Variants in ABCA9 observed in about 807,000 individuals in gnomAD.
ABCA9 encodes the protein ATP-binding cassette sub-family A member 9.
In ABCA9, 183 loss-of-function variants were observed where a neutral mutation model predicts 205.3. The ratio of observed to expected loss-of-function variants is 0.89; its 90% CI spans 0.79 to 1.01. ABCA9 has a LOEUF of 1.01. Among genes scored for constraint, ABCA9 ranks in the 50% least tolerant of loss-of-function variants. The pLI is 0.00. For synonymous variants in ABCA9, 651 were observed against 683.3 expected (o/e 0.95, Z 0.74); for missense variants, 1,805 against 1,912.4 (o/e 0.94, Z 1.05).
At chr17:69,022,972 A>C (rs150127530) in intron 17 of ABCA9, among the ~76,000 whole-genome samples, 59 of 152,352 alleles carry the variant, frequency 3.9e-4, no homozygotes, top group African/African-American at 1.4e-3. Context: ...GAATGCATTT[A>C]ATAAGCAATC....
chr17:68,983,663 G>A, intron 36 of ABCA9, 46 bp downstream of exon 36: 2 of 1,601,380 alleles, frequency 1.2e-6, no homozygotes, highest in Non-Finnish European at 1.7e-6. Context: ...CAGAAATATG[G>A]AAACAAAAAC....
chr17:69,045,382 C>T (rs1157854504), intron 3 of ABCA9, 46 bp from the exon 4 acceptor site: 14 of 1,563,182 alleles, frequency 9.0e-6, no homozygotes, highest in Non-Finnish European at 1.0e-5. Flanking sequence ...AAGAAAATCT[C>T]TACCTGGCCA....
the ABCA9 span, among the ~76,000 whole-genome samples, chr17:69,069,631 T>C: frequency 6.6e-6 from 1 of 151,674 alleles, no homozygotes; most frequent in East Asian, 1.9e-4. Context: ...GTTAGGGAAA[T>C]AGAGAGTAAA....
chr17:69,069,801 AC>A, the ABCA9 span, among the ~76,000 whole-genome samples: 1 of 152,280 alleles, frequency 6.6e-6, no homozygotes, highest in East Asian at 1.9e-4. Context: ...AGCTTGAAAA[AC>A]AACCATATTA....
the ABCA9 span, among the ~76,000 whole-genome samples, chr17:69,070,206 A>G: frequency 6.6e-6 from 1 of 152,308 alleles, no homozygotes; most frequent in South Asian, 2.1e-4. Flanking sequence ...TTAATTACAT[A>G]AAATGCTTAT....
chr17:69,042,676 C>T (rs1243262291), intron 6 of ABCA9: 4 of 152,146 alleles, frequency 2.6e-5, no homozygotes, highest in African/African-American at 2.4e-5. Context: ...CATCTGGCGC[C>T]CTGAGTATTG....
At chr17:68,999,932 G>C (rs1158106303) in intron 25 of ABCA9, among the ~76,000 whole-genome samples, 2 of 152,166 alleles carry the variant, frequency 1.3e-5, no homozygotes, top group African/African-American at 4.8e-5. Flanking sequence ...CTTCTTTTGA[G>C]AAGTGTCTGT....
intron 25 of ABCA9, among the ~76,000 whole-genome samples, chr17:68,999,123 T>TATC (rs200505426): frequency 0.053 from 8,032 of 150,576 alleles, 705 homozygotes; most frequent in African/African-American, 0.18. Context: ...TTTATCTTTT[T>TATC]ATTATTATTA....
In ABCA9 at chr17:69,010,445, G is replaced by T. The variant is rs2070329682; in HGVS notation, c.3147+1531C>A. On this transcript the variant is annotated intron_variant, in intron 23 of 38. Coordinates refer to ENST00000340001, the MANE Select transcript of ABCA9 (RefSeq NM_080283.4). ...ATATTTGAGAACCAGAAGGAAAAGT[G>T]GGGTAGCTAGAGGAGGAGAGTACAA... 2.0e-5 allele frequency among the ~76,000 whole-genome samples: 3 copies of T among 152,180 alleles called. 1 individual carries two copies. Among genetic ancestry groups the T allele is most frequent in the Admixed American group, 2.0e-4 (3 of 15,260 alleles).
chr17:69,061,618 C>T (rs929610748), upstream of ABCA9, among the ~76,000 whole-genome samples: 73 of 152,186 alleles, frequency 4.8e-4, 1 homozygote, highest in Non-Finnish European at 8.8e-5. Flanking sequence ...AGCCTCCAGG[C>T]TTGTCATCTC....
At chr17:69,013,750 G>A (rs1348982644) in intron 22 of ABCA9, among the ~76,000 whole-genome samples, 2 of 152,128 alleles carry the variant, frequency 1.3e-5, no homozygotes, top group Non-Finnish European at 2.9e-5. Flanking sequence ...GGCTGGATGG[G>A]AGTGCTGTAG....
At chr17:69,050,944 T>C (rs2071882679) in intron 2 of ABCA9, 87 bp downstream of exon 2, 4 of 1,255,994 alleles carry the variant, frequency 3.2e-6, no homozygotes, top group Non-Finnish European at 3.3e-6. Flanking sequence ...TGTGCAATGT[T>C]AAATAATGAA....
rs568365902 is a variant in ABCA9 at position 69,000,763 on chromosome 17, G to A, written c.3436-4749C>T. On this transcript the variant is annotated intron_variant, in intron 25 of 38. Coordinates refer to ENST00000340001, the MANE Select transcript of ABCA9 (RefSeq NM_080283.4). Reference sequence around the variant, plus strand: ...ATTGATTCTTCCTACCCATGAGCATGGAATGTTCTTCCATTTGTATCCTCT... The same window carrying A: ...ATTGATTCTTCCTACCCATGAGCATAGAATGTTCTTCCATTTGTATCCTCT... Among the ~76,000 whole-genome samples the A allele has an allele frequency of 4.1e-3, 614 of 151,364 alleles. 4 individuals are homozygous for A. The highest frequency in any genetic ancestry group is 0.014 in the African/African-American group (590 of 40,922).
At position 68,976,019 on chromosome 17, in the gene ABCA9, A is replaced by C. The variant is rs1485941610; in HGVS notation, c.4777-6T>G. 2.5e-6 allele frequency: 4 copies of C among 1,613,396 alleles called. No homozygotes were observed. The Admixed American group carries it at 6.7e-5, about 27-fold the overall frequency. On this transcript the variant is annotated splice_region_variant and splice_polypyrimidine_tract_variant and intron_variant, in intron 38 of 38. Coordinates refer to ENST00000340001, the MANE Select transcript of ABCA9 (RefSeq NM_080283.4). ...TTGGAGAGCTCCAGGAAAACCTAAA[A>C]GGAAGGAAAGAAATAAAGAGAGGAG... is the stretch of plus-strand genomic sequence containing the variant.
At chr17:69,029,378 C>T in intron 10 of ABCA9, 151 bp from the exon 11 acceptor site, 1 of 535,324 alleles carries the variant, frequency 1.9e-6, no homozygotes, top group Non-Finnish European at 3.3e-6. Context: ...TATTTTCTTT[C>T]ACACAGGCAC....
rs1037703840 is a variant in ABCA9 at position 69,005,127 on chromosome 17, C to T, written c.3435+2632G>A. Among the ~76,000 whole-genome samples, 12 of 152,304 alleles carry T rather than the reference C, an allele frequency of 7.9e-5. No individual in the cohort carries two copies. In the South Asian group the frequency reaches 1.0e-3, roughly 13 times the overall value. On this transcript the variant is annotated intron_variant, in intron 25 of 38. Coordinates refer to ENST00000340001, the MANE Select transcript of ABCA9 (RefSeq NM_080283.4). Reference sequence around the variant, plus strand: ...GCTGTAGACCGGAGCTGTTCCTATTCGGCCATCTTGGCTCGTCCCTCCTGG... The same window carrying T: ...GCTGTAGACCGGAGCTGTTCCTATTTGGCCATCTTGGCTCGTCCCTCCTGG...
At chr17:69,066,551 G>A in the ABCA9 span, among the ~76,000 whole-genome samples, 1 of 151,954 alleles carries the variant, frequency 6.6e-6, no homozygotes, top group Non-Finnish European at 1.5e-5. Context: ...GCAGTAACAG[G>A]TGGAGTGCTG....
intron 9 of ABCA9, 43 bp from the exon 10 acceptor site, chr17:69,032,319 T>C (rs1432765158): frequency 6.3e-7 from 1 of 1,575,040 alleles, no homozygotes; most frequent in Non-Finnish European, 8.7e-7. Flanking sequence ...CAGTCATCGC[T>C]TCAAGGATTC....
At chr17:69,007,348 C>G (rs1242597092) in intron 25 of ABCA9, among the ~76,000 whole-genome samples, 2 of 152,098 alleles carry the variant, frequency 1.3e-5, no homozygotes, top group Admixed American at 1.3e-4. Flanking sequence ...TTGCAGTGAG[C>G]TGAGATCATT....
Sources: gnomAD v4.1 joint callset for allele counts (sites outside exome capture counted in the v4.1 genomes callset) on GRCh38, gnomAD v4.1.1 for gene constraint, MANE v1.5 for transcripts, NCBI Gene and HGNC (gene_info 2026-07-23, HGNC 2026-07-21) for gene names.